Variants in CECR2 observed in about 807,000 individuals in gnomAD.
CECR2 encodes CECR2 histone acetyl-lysine reader, also known as chromatin remodeling regulator CECR2.
In CECR2, 30 loss-of-function variants were observed where a neutral mutation model predicts 154.5. The observed-to-expected ratio is 0.19, with a 90% CI of 0.15 to 0.26. CECR2 has a LOEUF of 0.26. CECR2 is among the 10% of genes least tolerant of loss of function. CECR2 has a pLI of 1.00. For missense variants in CECR2, 1,743 were observed against 1,829.3 expected, an observed-to-expected ratio of 0.95 and a Z score of 0.86; for synonymous variants, 725 against 683.7, an observed-to-expected ratio of 1.06 and a Z score of -0.94.
chr22:17,499,667 C>A, intron 4 of CECR2, 118 bp downstream of exon 4: 4 of 1,017,474 alleles, frequency 3.9e-6, no homozygotes, highest in South Asian at 1.9e-5. Context: ...TCTAAGCATG[C>A]CTGCAAAGAG....
At chr22:17,543,475 G>A (rs1417459139) in intron 16 of CECR2, among the ~76,000 whole-genome samples, 3 of 151,900 alleles carry the variant, frequency 2.0e-5, no homozygotes, top group African/African-American at 7.3e-5. Context: ...GCCAATCACA[G>A]TCCTTCTCTT....
At position 17,378,379 on chromosome 22, in the gene CECR2, C is replaced by T. The variant is rs559769840; in HGVS notation, c.126+8470C>T. 2.8e-3 allele frequency among the ~76,000 whole-genome samples: 414 copies of T among 149,704 alleles called. 2 individuals carry two copies. The highest frequency in any genetic ancestry group is 4.0e-3 in the Non-Finnish European group (268 of 67,468). On this transcript the variant is annotated intron_variant, in intron 1 of 18. Coordinates refer to ENST00000262608, the MANE Select transcript of CECR2 (RefSeq NM_001290047.2). The stretch of plus-strand genomic sequence containing the variant: ...TGGCACGATCTCGGCTCACTGCAAC[C>T]TCTGCCTCCCGGGTTCACACCATTC...
At chr22:17,483,604 A>G (rs1601434850) in intron 2 of CECR2, among the ~76,000 whole-genome samples, 1 of 152,128 alleles carries the variant, frequency 6.6e-6, no homozygotes, top group East Asian at 1.9e-4. Flanking sequence ...AGAAAAAAAA[A>G]GAAAAAAATA....
chr22:17,447,710 T>G (rs2054697802), intron 1 of CECR2, among the ~76,000 whole-genome samples: 1 of 151,784 alleles, frequency 6.6e-6, no homozygotes, highest in African/African-American at 2.4e-5. Context: ...GTTTACTCAT[T>G]AGGATCTAAA....
intron 1 of CECR2, among the ~76,000 whole-genome samples, chr22:17,379,967 T>G (rs571812595): frequency 4.5e-4 from 68 of 152,294 alleles, no homozygotes; most frequent in Admixed American, 7.2e-4. Flanking sequence ...CAAGTCCTTC[T>G]TTTCCATCTT....
chr22:17,537,370 C>T (rs1035416197), intron 10 of CECR2, 138 bp downstream of exon 10: 13 of 990,274 alleles, frequency 1.3e-5, no homozygotes, highest in Non-Finnish European at 1.8e-5. Context: ...AGGGCGGGCC[C>T]TGCACACACA....
At chr22:17,484,275 A>T (rs1463583386) in intron 2 of CECR2, among the ~76,000 whole-genome samples, 1 of 152,134 alleles carries the variant, frequency 6.6e-6, no homozygotes, top group Non-Finnish European at 1.5e-5. Context: ...TTGCAGCCTC[A>T]AACTTCTAGA....
chr22:17,369,389 G>C (rs1187604615), upstream of CECR2: 1 of 151,346 alleles, frequency 6.6e-6, no homozygotes, highest in Non-Finnish European at 1.5e-5. Context: ...TGTGGCGCGG[G>C]CAGCCCCGCC....
chr22:17,503,746 C>T (rs1418643300), intron 6 of CECR2, among the ~76,000 whole-genome samples: 1 of 151,998 alleles, frequency 6.6e-6, no homozygotes, highest in Non-Finnish European at 1.5e-5. Flanking sequence ...TATACATTGT[C>T]AACTTTAAAG....
At chr22:17,539,637 C>T (rs917228277) in intron 13 of CECR2, among the ~76,000 whole-genome samples, 1 of 151,904 alleles carries the variant, frequency 6.6e-6, no homozygotes, top group African/African-American at 2.4e-5. Flanking sequence ...GCACGTTGTG[C>T]ACATGTACCC....
At chr22:17,549,790 T>TTG (rs1278524051) in intron 17 of CECR2, among the ~76,000 whole-genome samples, 1 of 144,578 alleles carries the variant, frequency 6.9e-6, no homozygotes, top group African/African-American at 2.6e-5. Flanking sequence ...TTTGGTTTTT[T>TTG]TTTTTTTTTT....
intron 1 of CECR2, among the ~76,000 whole-genome samples, chr22:17,448,880 A>G (rs1035200383): frequency 6.6e-6 from 1 of 150,474 alleles, no homozygotes; most frequent in African/African-American, 2.4e-5. Context: ...TTTATTTATT[A>G]TTTATTTATT....
In CECR2 at chr22:17,537,113, G is replaced by A. The variant is rs773799913; in HGVS notation, c.1119G>A (p.Lys373=). The change falls in exon 10 of 19, where the codon AAG becomes AAA. Residue 373 remains lysine (K), a synonymous_variant. Coordinates refer to ENST00000262608, the MANE Select transcript of CECR2 (RefSeq NM_001290047.2). ...EKVKAVEDRA[K]RRKLREERAW... is the part of the protein sequence containing the mutation. ...TTGTGTTCATTGTAGATCGAGCGAAGAGGAGAAAGCTCAGGGAAGAAAGGG... is the reference window on the plus strand; with the variant it reads ...TTGTGTTCATTGTAGATCGAGCGAAAAGGAGAAAGCTCAGGGAAGAAAGGG... 4.3e-6 allele frequency: 7 copies of A among 1,613,726 alleles called. No individual in the cohort carries two copies. Among genetic ancestry groups the A allele is most frequent in the Non-Finnish European group, 5.9e-6 (7 of 1,179,818 alleles).
In CECR2 at chr22:17,548,819, C is replaced by T. The variant is rs369170510; in HGVS notation, c.3532C>T (p.Pro1178Ser). 22 of 1,613,686 alleles carry T rather than the reference C, an allele frequency of 1.4e-5. No individual in the cohort carries two copies. The highest frequency in any genetic ancestry group is 1.1e-4 in the East Asian group (5 of 44,868). ...TTCTGGAGGCTTTCCCCGGTATCGC[C>T]CCCCACAAGGAATGAGGTATTCCTA... ...PHSGGFPRYR[P>S]PQGMRYSYHP... The change falls in exon 17 of 19, where the codon CCC becomes TCC. Residue 1178 changes from proline to serine, a missense_variant. Physicochemically the swap from Pro to Ser is moderately conservative, Grantham distance 74. Transcript: ENST00000262608.
chr22:17,382,237 G>A (rs547298054), intron 1 of CECR2, among the ~76,000 whole-genome samples: 44 of 152,264 alleles, frequency 2.9e-4, no homozygotes, highest in African/African-American at 1.1e-3. Flanking sequence ...GGTTGAGAGA[G>A]AGAGATCATA....
At chr22:17,458,513 T>G (rs1016389850) in intron 1 of CECR2, among the ~76,000 whole-genome samples, 2 of 138,772 alleles carry the variant, frequency 1.4e-5, no homozygotes, top group East Asian at 2.0e-4. Flanking sequence ...CCATTGTGAG[T>G]TTTTTTTTTC....
intron 1 of CECR2, among the ~76,000 whole-genome samples, chr22:17,407,875 T>C (rs2054008634): frequency 6.6e-6 from 1 of 152,140 alleles, no homozygotes; most frequent in Non-Finnish European, 1.5e-5. Context: ...TAGTCCAAAA[T>C]GTCAGTACTG....
At chr22:17,429,557 C>A (rs9617580) in intron 1 of CECR2, among the ~76,000 whole-genome samples, 39,054 of 128,254 alleles carry the variant, frequency 0.3, 6,417 homozygotes, top group African/African-American at 0.39. Context: ...AAAACAAAAA[C>A]AAAGAAAAGA....
chr22:17,488,832 A>G (rs1436057749), intron 2 of CECR2, among the ~76,000 whole-genome samples: 1 of 152,226 alleles, frequency 6.6e-6, no homozygotes, highest in African/African-American at 2.4e-5. Context: ...GGCGGGTCAC[A>G]TGGTAAAAGT....
Sources: gnomAD v4.1 joint callset for allele counts (sites outside exome capture counted in the v4.1 genomes callset) on GRCh38, gnomAD v4.1.1 for gene constraint, MANE v1.5 for transcripts, NCBI Gene and HGNC (gene_info 2026-07-23, HGNC 2026-07-21) for gene names.